Variants in TOMM20 observed in about 807,000 individuals in gnomAD.
The protein encoded by TOMM20 is translocase of outer mitochondrial membrane 20.
Under a neutral mutation model 22.1 loss-of-function variants are expected in TOMM20, and 10 were observed. That is an observed-to-expected ratio of 0.45 (90% confidence interval 0.28 to 0.77). The LOEUF (loss-of-function observed/expected upper bound fraction) is 0.77, where lower values mean the gene tolerates loss of function less well. Ranked by LOEUF, TOMM20 falls within the 30% of genes least tolerant of loss-of-function variation. The pLI is 0.13. For missense variants in TOMM20, 121 were observed against 172.2 expected (o/e 0.70, Z 1.66); for synonymous variants, 55 against 61.4 (o/e 0.90, Z 0.49).
intron 2 of TOMM20, among the ~76,000 whole-genome samples, chr1:235,121,235 T>G (rs1187405620): frequency 6.6e-6 from 1 of 151,392 alleles, no homozygotes; most frequent in Admixed American, 6.6e-5. Flanking sequence ...CTTCCATTAG[T>G]GCAAGTTTTT....
chr1:235,121,512 C>A (rs1197783466), intron 2 of TOMM20, among the ~76,000 whole-genome samples: 3 of 152,204 alleles, frequency 2.0e-5, no homozygotes, highest in Admixed American at 2.0e-4. Flanking sequence ...GTAGTTTCCT[C>A]CCATTTTCAC....
At chr1:235,125,646 T>A (rs1160149834) in intron 1 of TOMM20, among the ~76,000 whole-genome samples, 2 of 152,078 alleles carry the variant, frequency 1.3e-5, no homozygotes, top group Non-Finnish European at 2.9e-5. Flanking sequence ...TTAAAAAAAA[T>A]TAATTTTAAA....
chr1:235,118,733 G>A (rs958486369), intron 3 of TOMM20, among the ~76,000 whole-genome samples: 4 of 152,002 alleles, frequency 2.6e-5, no homozygotes, highest in African/African-American at 7.3e-5. Flanking sequence ...CTTTGTTATC[G>A]ATGCTGGTCT....
intron 3 of TOMM20, among the ~76,000 whole-genome samples, chr1:235,116,931 C>A (rs191958632): frequency 4.7e-5 from 7 of 150,026 alleles, no homozygotes; most frequent in South Asian, 2.1e-4. Context: ...GTCAGGAGAT[C>A]GAGACCATCC....
chr1:235,122,955 T>C (rs1489608661), intron 1 of TOMM20, among the ~76,000 whole-genome samples: 5 of 152,114 alleles, frequency 3.3e-5, no homozygotes, highest in African/African-American at 4.8e-5. Context: ...AAAGTGATAA[T>C]CACTAAAAAC....
At chr1:235,118,395 T>G (rs1369007087) in intron 3 of TOMM20, among the ~76,000 whole-genome samples, 4 of 152,330 alleles carry the variant, frequency 2.6e-5, no homozygotes, top group Admixed American at 2.0e-4. Flanking sequence ...TGAGGGGGAA[T>G]GCTTTCCCTT....
At chr1:235,126,594 G>C (rs892937104) in intron 1 of TOMM20, among the ~76,000 whole-genome samples, 1 of 152,072 alleles carries the variant, frequency 6.6e-6, no homozygotes, top group Non-Finnish European at 1.5e-5. Flanking sequence ...CATGAAGTCA[G>C]GAGTTCGAGA....
rs1261587796 is a variant in TOMM20 at position 235,110,322 on chromosome 1, C to G, written c.*1742G>C. ...TATCTGCCCCTTGCTCCCTTTCCCA[C>G]CCCTGTTCTCCCTCTAACTGCCCCT... On this transcript the variant is annotated 3_prime_UTR_variant, in exon 5 of 5. Transcript: ENST00000366607. The G allele has an allele frequency of 6.6e-6, 1 of 152,280 alleles. No individual in the cohort carries two copies. The highest frequency in any genetic ancestry group is 1.5e-5 in the Non-Finnish European group (1 of 68,136). The allele number at this position is 152,280 out of a possible 1,614,324, so 9.4% of individuals were successfully genotyped here.
At chr1:235,124,084 C>T (rs1034575677) in intron 1 of TOMM20, among the ~76,000 whole-genome samples, 1 of 152,218 alleles carries the variant, frequency 6.6e-6, no homozygotes, top group Admixed American at 6.5e-5. Flanking sequence ...CAGTGGCTCA[C>T]GCCTGTAATC....
Position 235,128,730 on chromosome 1 carries a change from T to G in TOMM20, c.-15A>C, listed in dbSNP as rs1167249502. Reference sequence around the variant, plus strand: ...CGACCCACCATCTTCTCTACAACGCTGAGCGTGGACGGTGGCGGCAGGGAC... The same window carrying G: ...CGACCCACCATCTTCTCTACAACGCGGAGCGTGGACGGTGGCGGCAGGGAC... On this transcript the variant is annotated 5_prime_UTR_variant, in exon 1 of 5. Transcript: ENST00000366607. The G allele has an allele frequency of 6.2e-7, 1 of 1,613,546 alleles. No homozygotes were observed. Among genetic ancestry groups the G allele is most frequent in the African/African-American group, 1.3e-5 (1 of 74,916 alleles).
intron 1 of TOMM20, 26 bp downstream of exon 1, chr1:235,128,569 G>A (rs1239741481): frequency 1.2e-6 from 2 of 1,611,640 alleles, no homozygotes; most frequent in Admixed American, 3.3e-5. Context: ...CAGCAAGCCT[G>A]GCCAGGGGAG....
chr1:235,123,410 G>A (rs1019237957), intron 1 of TOMM20, among the ~76,000 whole-genome samples: 9 of 152,220 alleles, frequency 5.9e-5, no homozygotes, highest in Non-Finnish European at 8.8e-5. Context: ...GCTTGAACCC[G>A]GGAGGCGGAG....
chr1:235,116,896 G>A (rs1660837752), intron 3 of TOMM20, among the ~76,000 whole-genome samples: 2 of 152,200 alleles, frequency 1.3e-5, no homozygotes. Flanking sequence ...AGCACTTTGG[G>A]AGGCCAAGGC....
At chr1:235,117,043 G>A (rs1660844798) in intron 3 of TOMM20, among the ~76,000 whole-genome samples, 1 of 143,678 alleles carries the variant, frequency 7.0e-6, no homozygotes, top group African/African-American at 2.6e-5. Context: ...GCTGAGGCAG[G>A]AGGATGACAT....
Position 235,128,645 on chromosome 1 carries a change from A to C in TOMM20, c.71T>G (p.Phe24Cys). The C allele has an allele frequency of 6.2e-7, 1 of 1,613,854 alleles. No individual in the cohort carries two copies. The highest frequency in any genetic ancestry group is 8.5e-7 in the Non-Finnish European group (1 of 1,179,960). ...GALFIGYCIYFDRKRRSDPNF... is the reference protein window; with the variant it reads ...GALFIGYCIYCDRKRRSDPNF... ...GGGGTCACTTCGTCTTTTGCGGTCG[A>C]AGTAGATGCAGTACCCAATGAAAAG... Residue 24 changes from phenylalanine to cysteine, a missense_variant, in exon 1 of 5, where the codon TTC becomes TGC. Phe to Cys is a radical substitution (Grantham distance 205, BLOSUM62 -2). Transcript: ENST00000366607.
intron 1 of TOMM20, among the ~76,000 whole-genome samples, chr1:235,126,071 A>AT (rs758993536): frequency 3.4e-4 from 52 of 150,908 alleles, no homozygotes; most frequent in African/African-American, 1.2e-3. Flanking sequence ...ATTAGATTAG[A>AT]TAGATAGATA....
chr1:235,126,768 C>T (rs1354519094), intron 1 of TOMM20, among the ~76,000 whole-genome samples: 1 of 152,104 alleles, frequency 6.6e-6, no homozygotes, highest in African/African-American at 2.4e-5. Context: ...CCACTGCACT[C>T]GAGCCTGGGC....
At chr1:235,128,185 T>G (rs1661064784) in intron 1 of TOMM20, among the ~76,000 whole-genome samples, 1 of 151,998 alleles carries the variant, frequency 6.6e-6, no homozygotes, top group African/African-American at 2.4e-5. Flanking sequence ...AAAAAAAGAA[T>G]GCAACAATGA....
At chr1:235,123,965 C>A (rs910363487) in intron 1 of TOMM20, among the ~76,000 whole-genome samples, 3 of 152,216 alleles carry the variant, frequency 2.0e-5, no homozygotes, top group Admixed American at 6.5e-5. Flanking sequence ...AGACAAGGAA[C>A]GCTTGGATGT....
Sources: allele counts gnomAD v4.1 joint callset (sites outside exome capture counted in the v4.1 genomes callset), GRCh38; gene constraint gnomAD v4.1.1; transcripts MANE v1.5; gene names NCBI Gene and HGNC (gene_info 2026-07-23, HGNC 2026-07-21).